LMNB2: variants seen among roughly 807,000 people sequenced by gnomAD.
LMNB2 encodes lamin B2.
Under a neutral mutation model 69.3 loss-of-function variants are expected in LMNB2, and 17 were observed. The observed-to-expected ratio is 0.25, with a 90% CI of 0.17 to 0.37. The LOEUF is 0.37. LMNB2 is among the 10% of genes least tolerant of loss of function. LMNB2 has a pLI of 1.00. For synonymous variants in LMNB2, 397 were observed against 389.3 expected (o/e 1.02, Z -0.23); for missense variants, 789 against 883.6 (o/e 0.89, Z 1.36).
chr19:2,435,218 G>C, intron 4 of LMNB2, 47 bp from the exon 5 acceptor site: 4 of 1,594,600 alleles, frequency 2.5e-6, no homozygotes, highest in Non-Finnish European at 3.4e-6. Flanking sequence ...TGGGCCCCAA[G>C]CACCAGGCCC....
intron 2 of LMNB2, among the ~76,000 whole-genome samples, chr19:2,442,721 T>A (rs568511798): frequency 6.6e-6 from 1 of 152,098 alleles, no homozygotes; most frequent in Non-Finnish European, 1.5e-5. Flanking sequence ...AGCTCCAGCC[T>A]AGGCAACAGA....
chr19:2,429,000 G>C lies in LMNB2; in HGVS notation c.*1911C>G, dbSNP rs1438797737. 6.6e-6 allele frequency: 1 copy of C among 152,226 alleles called. No homozygotes were observed. The highest frequency in any genetic ancestry group is 1.5e-5 in the Non-Finnish European group (1 of 68,076). The allele number at this position is 152,226 out of a possible 1,614,324, so 9.4% of individuals were successfully genotyped here. ...ACAGGACTGGGCAGCGTCTGGACATGAGGACCTGCGGGTTTTGGGGGGGAC... is the reference window on the plus strand; with the variant it reads ...ACAGGACTGGGCAGCGTCTGGACATCAGGACCTGCGGGTTTTGGGGGGGAC... On this transcript the variant is annotated 3_prime_UTR_variant, in exon 12 of 12. Coordinates refer to ENST00000325327, the MANE Select transcript of LMNB2 (RefSeq NM_032737.4).
In LMNB2 at chr19:2,429,012, G is replaced by GT. The variant is rs1355200937; in HGVS notation, c.*1898dup. ...AGCGTCTGGACATGAGGACCTGCGG[G>GT]TTTTGGGGGGGACTTTGTCCCTGAG... On this transcript the variant is annotated 3_prime_UTR_variant, in exon 12 of 12. Coordinates refer to ENST00000325327, the MANE Select transcript of LMNB2 (RefSeq NM_032737.4). 1 of 152,182 alleles carries GT rather than the reference G, an allele frequency of 6.6e-6. No individual in the cohort carries two copies. Among genetic ancestry groups the GT allele is most frequent in the African/African-American group, 2.4e-5 (1 of 41,420 alleles). 9.4% of individuals were successfully genotyped at this position (152,182 alleles called of 1,614,324 possible).
chr19:2,432,319 T>TGC, intron 9 of LMNB2, 97 bp downstream of exon 9: 6 of 894,702 alleles, frequency 6.7e-6, no homozygotes, highest in East Asian at 2.5e-5. Flanking sequence ...GCCACCATCA[T>TGC]CCCCACCCAC....
chr19:2,432,173 C>G (rs373831993), intron 9 of LMNB2, among the ~76,000 whole-genome samples: 1 of 152,088 alleles, frequency 6.6e-6, no homozygotes, highest in African/African-American at 2.4e-5. Context: ...TAACACTTCA[C>G]GGGGACGCCT....
intron 2 of LMNB2, among the ~76,000 whole-genome samples, chr19:2,442,023 G>A (rs919684692): frequency 1.3e-5 from 2 of 152,224 alleles, no homozygotes; most frequent in Admixed American, 6.5e-5. Flanking sequence ...GCTCAGACCC[G>A]TTTCCTAAGC....
Position 2,434,234 on chromosome 19 carries a change from TCTCCTCCTGCCCTGCCC to T in LMNB2, c.1202+44_1202+60del, listed in dbSNP as rs1338598604. 7 of 1,554,230 alleles carry T rather than the reference TCTCCTCCTGCCCTGCCC, an allele frequency of 4.5e-6. No homozygotes were observed. The African/African-American group carries it at 8.8e-5, about 20-fold the overall frequency. On this transcript the variant is annotated intron_variant, in intron 7 of 11. Transcript: ENST00000325327. ...GCACTCCCCGCAGCCCCGTCCCGCC[TCTCCTCCTGCCCTGCCC>T]CTCCTCCTCACTCTGTGCTCCCAAG...
At chr19:2,439,607 C>A (rs1439604299) in intron 2 of LMNB2, among the ~76,000 whole-genome samples, 1 of 152,194 alleles carries the variant, frequency 6.6e-6, no homozygotes, top group East Asian at 1.9e-4. Flanking sequence ...TCTGGAATAA[C>A]ACAGCCAAGG....
At position 2,456,715 on chromosome 19, in the gene LMNB2, C is replaced by A. The variant is rs750124193; in HGVS notation, c.219G>T (p.Arg73=). The change falls in exon 1 of 12, where the codon CGG becomes CGT. Residue 73 remains arginine, a synonymous_variant. Coordinates refer to ENST00000325327, the MANE Select transcript of LMNB2 (RefSeq NM_032737.4). ...CCTTCTCTGAGATCTTGAGCAGGAGCCGGTCGTTCTCCAGCTCCAGCGCGC... is the reference window on the plus strand; with the variant it reads ...CCTTCTCTGAGATCTTGAGCAGGAGACGGTCGTTCTCCAGCTCCAGCGCGC... ...RVRALELEND[R]LLLKISEKEE... is the part of the protein sequence containing the mutation. 1.9e-6 allele frequency: 3 copies of A among 1,564,460 alleles called. No individual in the cohort carries two copies. Among genetic ancestry groups the A allele is most frequent in the Non-Finnish European group, 2.6e-6 (3 of 1,155,930 alleles).
At position 2,456,943 on chromosome 19, in the gene LMNB2, G is replaced by A; in HGVS notation, c.-10C>T. 2 of 987,450 alleles carry A rather than the reference G, an allele frequency of 2.0e-6. No homozygotes were observed. The highest frequency in any genetic ancestry group is 2.4e-6 in the Non-Finnish European group (2 of 832,846). The allele number at this position is 987,450 out of a possible 1,614,324, so 61.2% of individuals were successfully genotyped here. ...GGCTCGGCGGGCTCATTCAATCCGC[G>A]CCGCCGGCTGCAAGATGGCGCCGCG... On this transcript the variant is annotated 5_prime_UTR_variant, in exon 1 of 12. Transcript: ENST00000325327.
intron 1 of LMNB2, among the ~76,000 whole-genome samples, chr19:2,454,739 C>A (rs549735067): frequency 9.4e-4 from 143 of 152,300 alleles, no homozygotes; most frequent in African/African-American, 3.1e-3. Context: ...GACCCCAACC[C>A]ATGGCAGGAA....
At chr19:2,436,197 C>T (rs1337821126) in intron 4 of LMNB2, among the ~76,000 whole-genome samples, 5 of 152,186 alleles carry the variant, frequency 3.3e-5, no homozygotes, top group Admixed American at 6.5e-5. Context: ...GCAGGAGAAT[C>T]GCTTGAACCC....
intron 1 of LMNB2, among the ~76,000 whole-genome samples, chr19:2,449,377 G>A (rs1004896905): frequency 3.9e-5 from 6 of 152,196 alleles, no homozygotes; most frequent in South Asian, 4.1e-4. Context: ...CAAGGGGCAC[G>A]TCTCCTAACG....
At position 2,456,730 on chromosome 19, in the gene LMNB2, C is replaced by T. The variant is rs1315446005; in HGVS notation, c.204G>A (p.Glu68=). The change falls in exon 1 of 12, where the codon GAG becomes GAA. Residue 68 remains glutamate (E), a synonymous_variant. Transcript: ENST00000325327. ...TGAGCAGGAGCCGGTCGTTCTCCAG[C>T]TCCAGCGCGCGGACGCGGTCGATGT... ...AHYIDRVRAL[E]LENDRLLLKI... 1.3e-6 allele frequency: 2 copies of T among 1,565,732 alleles called. No individual in the cohort carries two copies. Among genetic ancestry groups the T allele is most frequent in the East Asian group, 2.5e-5 (1 of 39,796 alleles).
chr19:2,431,732 A>G, intron 10 of LMNB2, 51 bp downstream of exon 10: 1 of 1,613,582 alleles, frequency 6.2e-7, no homozygotes. Context: ...GAGGGTGCCC[A>G]GACCCTGCCC....
chr19:2,448,801 T>G (rs116780257), intron 1 of LMNB2, among the ~76,000 whole-genome samples: 2,162 of 152,244 alleles, frequency 0.014, 46 homozygotes, highest in African/African-American at 0.049. Context: ...TGAGCCAAGA[T>G]TGGGCCATTG....
At chr19:2,444,158 G>A (rs945874501) in intron 2 of LMNB2, among the ~76,000 whole-genome samples, 9 of 152,172 alleles carry the variant, frequency 5.9e-5, no homozygotes, top group South Asian at 2.1e-4. Context: ...GGAGGCTCGC[G>A]GGAGATTTTA....
chr19:2,429,545 A>C lies in LMNB2; in HGVS notation c.*1366T>G, dbSNP rs1971707659. The C allele has an allele frequency of 6.6e-6, 1 of 152,128 alleles. No individual in the cohort carries two copies. The highest frequency in any genetic ancestry group is 2.1e-4 in the South Asian group (1 of 4,822). 9.4% of individuals were successfully genotyped at this position (152,128 alleles called of 1,614,324 possible). ...ACAGGCAGGTCCCCAGGGAGGCGGG[A>C]TGCAGTCACAGGGGAGCGGTGCCGC... On this transcript the variant is annotated 3_prime_UTR_variant, in exon 12 of 12. Transcript: ENST00000325327.
chr19:2,429,622 C>G lies in LMNB2; in HGVS notation c.*1289G>C, dbSNP rs1971709786. ...CCGGAGACGGCGCGTGCCCATGGCTCAGTTTTGGTGTCTTTAAGACTTGAG... is the reference window on the plus strand; with the variant it reads ...CCGGAGACGGCGCGTGCCCATGGCTGAGTTTTGGTGTCTTTAAGACTTGAG... On this transcript the variant is annotated 3_prime_UTR_variant, in exon 12 of 12. Coordinates refer to ENST00000325327, the MANE Select transcript of LMNB2 (RefSeq NM_032737.4). 6.6e-6 allele frequency: 1 copy of G among 152,246 alleles called. No homozygotes were observed. The highest frequency in any genetic ancestry group is 2.4e-5 in the African/African-American group (1 of 41,440). The allele number at this position is 152,246 out of a possible 1,614,324, so 9.4% of individuals were successfully genotyped here.
Sources: gnomAD v4.1 joint callset for allele counts (sites outside exome capture counted in the v4.1 genomes callset) on GRCh38, gnomAD v4.1.1 for gene constraint, MANE v1.5 for transcripts, NCBI Gene and HGNC (gene_info 2026-07-23, HGNC 2026-07-21) for gene names.